The following DIP2C variants were observed in gnomAD, a reference collection of about 807,000 sequenced individuals.
DIP2C encodes the protein DIP2 acetate--CoA ligase C (putative), also known as disco-interacting protein 2 homolog C.
Under a neutral mutation model 192.4 loss-of-function variants are expected in DIP2C, and 33 were observed. That is an observed-to-expected ratio of 0.17 (90% CI 0.13 to 0.23). The LOEUF is 0.23. DIP2C is among the 10% of genes least tolerant of loss of function. The probability of loss-of-function intolerance (pLI) is 1.00; values close to 1 mark genes in which losing one functional copy is unlikely to be tolerated. For synonymous variants in DIP2C, 979 were observed against 864.1 expected (o/e 1.13, Z -2.33); for missense variants, 1,537 against 2,110.1 (o/e 0.73, Z 5.32).
intron 9 of DIP2C, among the ~76,000 whole-genome samples, chr10:401,416 CTG>C (rs1964434582): frequency 1.3e-5 from 2 of 151,460 alleles, no homozygotes; most frequent in Non-Finnish European, 2.9e-5. Context: ...CACATGAATC[CTG>C]TGATTTTACA....
At chr10:286,916 G>A (rs933967929) in intron 33 of DIP2C, among the ~76,000 whole-genome samples, 3 of 152,160 alleles carry the variant, frequency 2.0e-5, no homozygotes, top group Non-Finnish European at 4.4e-5. Context: ...TGATATAGTA[G>A]GCAGCTGCTC....
At chr10:293,755 C>CAT (rs1299504940) in intron 32 of DIP2C, among the ~76,000 whole-genome samples, 9 of 152,192 alleles carry the variant, frequency 5.9e-5, no homozygotes, top group African/African-American at 2.2e-4. Flanking sequence ...TAACAGGCAT[C>CAT]ATGTTCACAC....
intron 31 of DIP2C, among the ~76,000 whole-genome samples, chr10:317,843 C>T (rs1362749377): frequency 1.5e-4 from 23 of 152,238 alleles, no homozygotes; most frequent in Admixed American, 1.4e-3. Context: ...CATCCAAAAA[C>T]ACTGGTAGAA....
At position 604,847 on chromosome 10, in the gene DIP2C, C is replaced by T. The variant is rs186422674; in HGVS notation, c.85+84647G>A. Reference sequence around the variant, plus strand: ...AGGGAGAAGCCAGACCATACTGGAGCGAAGGAAAAGCACAAATTTCCACTC... The same window carrying T: ...AGGGAGAAGCCAGACCATACTGGAGTGAAGGAAAAGCACAAATTTCCACTC... On this transcript the variant is annotated intron_variant, in intron 1 of 36. Coordinates refer to ENST00000280886, the MANE Select transcript of DIP2C (RefSeq NM_014974.3). Among the ~76,000 whole-genome samples, 387 of 152,250 alleles carry T rather than the reference C, an allele frequency of 2.5e-3. 1 individual carries two copies. Among genetic ancestry groups the T allele is most frequent in the Middle Eastern group, 3.4e-3 (1 of 294 alleles).
At chr10:560,075 C>T (rs926515339) in intron 1 of DIP2C, among the ~76,000 whole-genome samples, 4 of 151,814 alleles carry the variant, frequency 2.6e-5, no homozygotes, top group African/African-American at 7.3e-5. Flanking sequence ...CCCAGCACTG[C>T]GCCCAAGGCC....
intron 1 of DIP2C, among the ~76,000 whole-genome samples, chr10:489,363 T>C (rs1307762296): frequency 6.6e-6 from 1 of 152,114 alleles, no homozygotes; most frequent in Non-Finnish European, 1.5e-5. Context: ...AGGTCATAGG[T>C]GACAGGTAGA....
chr10:501,762 T>C (rs567859022), intron 1 of DIP2C, among the ~76,000 whole-genome samples: 4 of 152,254 alleles, frequency 2.6e-5, no homozygotes, highest in East Asian at 1.9e-4. Flanking sequence ...TTCAGGAATA[T>C]GCGTTACACA....
chr10:549,231 A>G (rs1848465611), intron 1 of DIP2C, among the ~76,000 whole-genome samples: 1 of 152,174 alleles, frequency 6.6e-6, no homozygotes, highest in African/African-American at 2.4e-5. Context: ...CCTCATCCCC[A>G]GGGGCCTTTT....
intron 18 of DIP2C, among the ~76,000 whole-genome samples, chr10:366,735 C>G (rs1047878406): frequency 1.3e-5 from 2 of 152,206 alleles, no homozygotes; most frequent in East Asian, 3.8e-4. Flanking sequence ...TCAGGACCAC[C>G]TGCCACACCA....
intron 10 of DIP2C, among the ~76,000 whole-genome samples, chr10:396,835 G>C (rs564562741): frequency 2.1e-4 from 13 of 62,960 alleles, no homozygotes; most frequent in Admixed American, 9.5e-4. Context: ...GTGGGGGGGG[G>C]GGAAACTGGC....
intron 1 of DIP2C, among the ~76,000 whole-genome samples, chr10:588,686 C>T (rs1306684908): frequency 6.6e-6 from 1 of 152,222 alleles, no homozygotes; most frequent in Non-Finnish European, 1.5e-5. Context: ...GTGAGGCAGG[C>T]AGCCTTCGAG....
At chr10:688,892 G>T (rs1261105428) in intron 1 of DIP2C, among the ~76,000 whole-genome samples, 2 of 151,786 alleles carry the variant, frequency 1.3e-5, no homozygotes, top group Non-Finnish European at 2.9e-5. Flanking sequence ...GAACAATGGG[G>T]GTGGGATCCC....
chr10:656,329 G>A (rs1351692918), intron 1 of DIP2C, among the ~76,000 whole-genome samples: 2 of 150,112 alleles, frequency 1.3e-5, no homozygotes, highest in East Asian at 2.0e-4. Flanking sequence ...CTACCTTATC[G>A]AACACTCTAC....
intron 15 of DIP2C, 140 bp from the exon 16 acceptor site, chr10:384,286 T>G: frequency 7.9e-7 from 1 of 1,272,948 alleles, no homozygotes; most frequent in Non-Finnish European, 1.0e-6. Context: ...TTTTTTTTTT[T>G]TTTTTTTTTT....
chr10:682,943 C>A (rs1035347878), intron 1 of DIP2C, among the ~76,000 whole-genome samples: 3 of 152,222 alleles, frequency 2.0e-5, no homozygotes, highest in Admixed American at 2.0e-4. Context: ...TCAGTCACAG[C>A]ATCTCTCCAC....
chr10:640,689 G>T (rs1362388605), intron 1 of DIP2C, among the ~76,000 whole-genome samples: 1 of 150,314 alleles, frequency 6.7e-6, no homozygotes, highest in African/African-American at 2.5e-5. Flanking sequence ...GTGCGCGCGG[G>T]GAAGAGGCTG....
At chr10:551,316 C>A (rs1848574512) in intron 1 of DIP2C, among the ~76,000 whole-genome samples, 1 of 152,164 alleles carries the variant, frequency 6.6e-6, no homozygotes, top group Non-Finnish European at 1.5e-5. Flanking sequence ...ACAGCAGGTG[C>A]CTGAGACACC....
intron 32 of DIP2C, among the ~76,000 whole-genome samples, chr10:291,027 C>T (rs1306675066): frequency 2.0e-5 from 3 of 151,430 alleles, no homozygotes; most frequent in African/African-American, 7.4e-5. Context: ...AGGCAGGGCC[C>T]AGGCTGTGCA....
Position 570,703 on chromosome 10 carries a change from A to C in DIP2C, c.86-84173T>G, listed in dbSNP as rs190783840. On this transcript the variant is annotated intron_variant, in intron 1 of 36. Coordinates refer to ENST00000280886, the MANE Select transcript of DIP2C (RefSeq NM_014974.3). ...TGTGTAGCACCATCCAACTGATTAA[A>C]GTCTGTTGAGAGGAGGAAGCTTTGT... Among the ~76,000 whole-genome samples the C allele has an allele frequency of 1.9e-3, 297 of 152,350 alleles. 1 individual carries two copies. The highest frequency in any genetic ancestry group is 0.01 in the Middle Eastern group (3 of 294).
Sources: gnomAD v4.1 joint callset for allele counts (sites outside exome capture counted in the v4.1 genomes callset) on GRCh38, gnomAD v4.1.1 for gene constraint, MANE v1.5 for transcripts, NCBI Gene and HGNC (gene_info 2026-07-23, HGNC 2026-07-21) for gene names.